The following TEAD1 variants were observed in gnomAD, a reference collection of about 807,000 sequenced individuals.
TEAD1 encodes the protein TEA domain transcription factor 1.
A neutral mutation model predicts 54.9 loss-of-function variants in TEAD1; 9 were observed. The ratio of observed to expected loss-of-function variants is 0.16; its 90% confidence interval spans 0.10 to 0.29. The LOEUF is 0.29. TEAD1 is among the 10% of genes least tolerant of loss of function. The pLI is 1.00. For missense variants in TEAD1, 387 were observed against 535.9 expected, an observed-to-expected ratio of 0.72 and a Z score of 2.74; for synonymous variants, 200 against 187.8, an observed-to-expected ratio of 1.07 and a Z score of -0.53.
intron 3 of TEAD1, among the ~76,000 whole-genome samples, chr11:12,792,292 TG>T (rs1226497321): frequency 6.8e-6 from 1 of 147,738 alleles, no homozygotes; most frequent in Non-Finnish European, 1.5e-5. Flanking sequence ...CTCAAATGCT[TG>T]GGGGTGAGAA....
At chr11:12,719,753 G>A (rs1944144377) in intron 2 of TEAD1, among the ~76,000 whole-genome samples, 1 of 151,838 alleles carries the variant, frequency 6.6e-6, no homozygotes, top group African/African-American at 2.4e-5. Context: ...TTCAAACTGC[G>A]AAGAACTTGG....
chr11:12,735,562 ATTTTTTTT>A (rs58093822), intron 2 of TEAD1, among the ~76,000 whole-genome samples: 2 of 121,044 alleles, frequency 1.7e-5, no homozygotes, highest in African/African-American at 3.0e-5. Flanking sequence ...TCCTGGTTCG[ATTTTTTTT>A]TTTTTTTTTT....
At chr11:12,675,037 C>T (rs112826592) in intron 1 of TEAD1, among the ~76,000 whole-genome samples, 6 of 147,226 alleles carry the variant, frequency 4.1e-5, no homozygotes, top group African/African-American at 1.2e-4. Context: ...GGCGCCGCCG[C>T]GCGACTTGCC....
At chr11:12,859,342 C>T (rs554194032) in intron 3 of TEAD1, among the ~76,000 whole-genome samples, 68 of 150,310 alleles carry the variant, frequency 4.5e-4, no homozygotes, top group African/African-American at 9.1e-4. Context: ...GGACAAGGTT[C>T]GGACAAAATT....
intron 2 of TEAD1, among the ~76,000 whole-genome samples, chr11:12,712,649 A>G (rs1488087533): frequency 6.6e-6 from 1 of 152,240 alleles, no homozygotes; most frequent in Non-Finnish European, 1.5e-5. Context: ...TACTGTTAGT[A>G]TTGCTGCTAT....
At chr11:12,766,719 A>C (rs2133929009) in intron 3 of TEAD1, among the ~76,000 whole-genome samples, 1 of 152,266 alleles carries the variant, frequency 6.6e-6, no homozygotes, top group East Asian at 1.9e-4. Context: ...TTTCTCCTTA[A>C]CTCAGCAGCA....
At position 12,826,656 on chromosome 11, in the gene TEAD1, C is replaced by T. The variant is rs76462163; in HGVS notation, c.203-35594C>T. Among the ~76,000 whole-genome samples, 6 of 152,308 alleles carry T rather than the reference C, an allele frequency of 3.9e-5. No individual in the cohort carries two copies. In the East Asian group the frequency reaches 1.2e-3, roughly 29 times the overall value. On this transcript the variant is annotated intron_variant, in intron 3 of 12. Coordinates refer to ENST00000527636, the MANE Select transcript of TEAD1 (RefSeq NM_021961.6). ...AGTTACTTAACTCCATCAAATCCTT[C>T]ACTTCATCTGCAAAATAGAGATAAG...
At chr11:12,866,738 G>C (rs11022520) in intron 5 of TEAD1, among the ~76,000 whole-genome samples, 19 of 152,098 alleles carry the variant, frequency 1.2e-4, no homozygotes, top group African/African-American at 4.6e-4. Context: ...AGTTTCTTCC[G>C]TTCTTTCCTA....
At chr11:12,702,121 T>A (rs1205687915) in intron 2 of TEAD1, among the ~76,000 whole-genome samples, 1 of 152,132 alleles carries the variant, frequency 6.6e-6, no homozygotes, top group Non-Finnish European at 1.5e-5. Context: ...ACTCCCTTTA[T>A]CCATGGTGTG....
intron 3 of TEAD1, among the ~76,000 whole-genome samples, chr11:12,812,583 C>T (rs559110337): frequency 1.3e-5 from 2 of 152,238 alleles, no homozygotes; most frequent in South Asian, 4.2e-4. Flanking sequence ...CTTTTTCCCT[C>T]CAGAATATTA....
At chr11:12,774,105 G>T (rs376835368) in intron 3 of TEAD1, among the ~76,000 whole-genome samples, 1 of 152,174 alleles carries the variant, frequency 6.6e-6, no homozygotes, top group South Asian at 2.1e-4. Flanking sequence ...AGGCCATGAG[G>T]CATGCTGTTC....
chr11:12,817,244 G>A (rs898249071), intron 3 of TEAD1, among the ~76,000 whole-genome samples: 2 of 152,162 alleles, frequency 1.3e-5, no homozygotes, highest in Non-Finnish European at 2.9e-5. Context: ...CAGAGCATGC[G>A]TAGCTTGAAA....
At chr11:12,838,917 C>T (rs1946965587) in intron 3 of TEAD1, among the ~76,000 whole-genome samples, 1 of 152,140 alleles carries the variant, frequency 6.6e-6, no homozygotes, top group Non-Finnish European at 1.5e-5. Flanking sequence ...ACACACGTGA[C>T]ATAAAATGGT....
At chr11:12,700,490 A>C (rs1943676302) in intron 2 of TEAD1, among the ~76,000 whole-genome samples, 1 of 152,258 alleles carries the variant, frequency 6.6e-6, no homozygotes, top group African/African-American at 2.4e-5. Context: ...AGTACATTCT[A>C]AAATTATAAA....
chr11:12,685,767 A>G (rs916129959), intron 2 of TEAD1, among the ~76,000 whole-genome samples: 1 of 152,230 alleles, frequency 6.6e-6, no homozygotes. Context: ...ACAATCCAGT[A>G]ACTAAGTCAT....
At chr11:12,756,052 A>G (rs1944977901) in intron 2 of TEAD1, among the ~76,000 whole-genome samples, 1 of 152,304 alleles carries the variant, frequency 6.6e-6, no homozygotes. Context: ...CACCTGGGCA[A>G]GTACTTAGGG....
intron 3 of TEAD1, among the ~76,000 whole-genome samples, chr11:12,841,286 GTCT>G (rs1947035322): frequency 6.6e-6 from 1 of 152,082 alleles, no homozygotes; most frequent in South Asian, 2.1e-4. Context: ...CCCTCCTTTG[GTCT>G]TCTTAGCTGT....
chr11:12,883,208 C>T, intron 9 of TEAD1, 83 bp downstream of exon 9: 1 of 1,598,644 alleles, frequency 6.3e-7, no homozygotes, highest in Non-Finnish European at 8.5e-7. Context: ...TTTCTTTCCT[C>T]CTTTACCCCG....
chr11:12,729,096 C>T (rs1237069263), intron 2 of TEAD1, among the ~76,000 whole-genome samples: 3 of 152,170 alleles, frequency 2.0e-5, no homozygotes, highest in Non-Finnish European at 4.4e-5. Flanking sequence ...GTGACATCTG[C>T]TAGAACAGGA....
Sources: allele counts gnomAD v4.1 joint callset (sites outside exome capture counted in the v4.1 genomes callset), GRCh38; gene constraint gnomAD v4.1.1; transcripts MANE v1.5; gene names NCBI Gene and HGNC (gene_info 2026-07-23, HGNC 2026-07-21).